Variants in SIRT1 observed in about 807,000 individuals in gnomAD.
SIRT1 encodes sirtuin 1.
In SIRT1, 24 loss-of-function variants were observed where a neutral mutation model predicts 67.9. The ratio of observed to expected loss-of-function variants is 0.35; its 90% CI spans 0.26 to 0.50. The LOEUF is 0.50. Among genes scored for constraint, SIRT1 ranks in the 20% least tolerant of loss-of-function variants. The probability of loss-of-function intolerance (pLI) is 0.98; values close to 1 mark genes in which losing one functional copy is unlikely to be tolerated. For missense variants in SIRT1, 873 were observed against 937.2 expected, an observed-to-expected ratio of 0.93 and a Z score of 0.89; for synonymous variants, 378 against 350.7, an observed-to-expected ratio of 1.08 and a Z score of -0.87.
At chr10:67,888,222 G>T (rs1236710889) in intron 2 of SIRT1, among the ~76,000 whole-genome samples, 1 of 152,144 alleles carries the variant, frequency 6.6e-6, no homozygotes, top group African/African-American at 2.4e-5. Flanking sequence ...CTTGAAAGTG[G>T]ATCTTTTTGT....
intron 1 of SIRT1, chr10:67,885,425 A>G (rs1183242203): frequency 8.2e-7 from 1 of 1,221,138 alleles, no homozygotes; most frequent in Non-Finnish European, 1.0e-6. Context: ...CAGTCGCTTT[A>G]AAATAAGTTT....
intron 8 of SIRT1, among the ~76,000 whole-genome samples, chr10:67,913,937 C>T (rs1267903097): frequency 2.0e-5 from 3 of 146,928 alleles, no homozygotes; most frequent in African/African-American, 4.9e-5. Context: ...TATGGAGACA[C>T]AGTGATTAAT....
In SIRT1 at chr10:67,891,408, G is replaced by C. The variant is rs1564884263; in HGVS notation, c.796G>C (p.Val266Leu). 1 of 1,613,874 alleles carries C rather than the reference G, an allele frequency of 6.2e-7. No individual in the cohort carries two copies. The highest frequency in any genetic ancestry group is 1.7e-5 in the Admixed American group (1 of 59,990). The change falls in exon 4 of 9, where the codon GTT (valine) becomes CTT (leucine). Residue 266 changes from valine (V) to leucine (L), a missense_variant. This residue lies in a region of SIRT1 where 251 missense variants were observed against 358.8 expected (regional missense o/e 0.70). Transcript: ENST00000212015. ...TATGCCATGCACATTTTAGGTGTCT[G>C]TTTCATGTGGAATACCTGACTTCAG... ...IIVLTGAGVS[V>L]SCGIPDFRSR...
At chr10:67,890,441 A>G (rs1451923972) in intron 3 of SIRT1, among the ~76,000 whole-genome samples, 2 of 152,158 alleles carry the variant, frequency 1.3e-5, no homozygotes, top group African/African-American at 4.8e-5. Context: ...CTTTGGAATT[A>G]CTTCTCTGTA....
rs1187857530 is a variant in SIRT1, at chr10:67,908,027, A to G, written c.1091-19A>G. The G allele has an allele frequency of 6.3e-7, 1 of 1,595,012 alleles. No individual in the cohort carries two copies. The highest frequency in any genetic ancestry group is 8.6e-7 in the Non-Finnish European group (1 of 1,163,600). ...GAAATACTTCTTTAATAAAGCATATATATGTTGTTTGTTTTTAGGTTCCTT... is the reference window on the plus strand; with the variant it reads ...GAAATACTTCTTTAATAAAGCATATGTATGTTGTTTGTTTTTAGGTTCCTT... On this transcript the variant is annotated intron_variant, in intron 5 of 8. Transcript: ENST00000212015.
chr10:67,897,422 TG>T (rs1842675594), intron 4 of SIRT1, among the ~76,000 whole-genome samples: 4 of 151,736 alleles, frequency 2.6e-5, no homozygotes. Context: ...TGAGTAGACT[TG>T]ATTATGGGAT....
chr10:67,891,279 TA>T (rs1842569338), intron 3 of SIRT1, 122 bp from the exon 4 acceptor site: 5 of 778,064 alleles, frequency 6.4e-6, no homozygotes, highest in Non-Finnish European at 1.0e-5. Context: ...TTTTATTTCT[TA>T]AAAGAAGTTT....
intron 4 of SIRT1, among the ~76,000 whole-genome samples, chr10:67,895,278 A>G (rs1842636003): frequency 6.6e-6 from 1 of 152,062 alleles, no homozygotes. Context: ...AAAATCAGCC[A>G]GGCTTGGGTG....
At chr10:67,915,664 G>T (rs1033647187) in intron 8 of SIRT1, among the ~76,000 whole-genome samples, 3 of 152,068 alleles carry the variant, frequency 2.0e-5, no homozygotes, top group African/African-American at 7.2e-5. Flanking sequence ...AAATATTTTA[G>T]GTTTATAATC....
chr10:67,907,663 C>T (rs552807544), intron 5 of SIRT1, among the ~76,000 whole-genome samples: 24 of 152,206 alleles, frequency 1.6e-4, no homozygotes, highest in African/African-American at 5.8e-4. Flanking sequence ...CATTAGGTAT[C>T]TAAAGTGTTT....
In SIRT1 at chr10:67,917,176, C is replaced by T. The variant is rs560484573; in HGVS notation, c.*583C>T. 6.6e-6 allele frequency: 1 copy of T among 152,662 alleles called. No homozygotes were observed. The highest frequency in any genetic ancestry group is 1.9e-4 in the East Asian group (1 of 5,186). The allele number at this position is 152,662 out of a possible 1,614,324, so 9.5% of individuals were successfully genotyped here. A position where few individuals can be genotyped will look rare whatever the true frequency, so the allele number is the denominator to read the frequency against. ...ACATGCAGTGTGAGTAGAAGGAAGT[C>T]AACAATATGTGGGGAGAGCACTCGG... On this transcript the variant is annotated 3_prime_UTR_variant, in exon 9 of 9. Transcript: ENST00000212015.
At position 67,917,229 on chromosome 10, in the gene SIRT1, G is replaced by A. The variant is rs904550899; in HGVS notation, c.*636G>A. 2 of 152,556 alleles carry A rather than the reference G, an allele frequency of 1.3e-5. No individual in the cohort carries two copies. The highest frequency in any genetic ancestry group is 2.9e-5 in the Non-Finnish European group (2 of 68,032). The allele number at this position is 152,556 out of a possible 1,614,324, so 9.5% of individuals were successfully genotyped here. On this transcript the variant is annotated 3_prime_UTR_variant, in exon 9 of 9. Coordinates refer to ENST00000212015, the MANE Select transcript of SIRT1 (RefSeq NM_012238.5). ...GTCTTTACTTTTAAAAGTAATACTTGGTGCTAAGAATTTCAGGATTATTGT... is the reference window on the plus strand; with the variant it reads ...GTCTTTACTTTTAAAAGTAATACTTAGTGCTAAGAATTTCAGGATTATTGT...
intron 4 of SIRT1, among the ~76,000 whole-genome samples, chr10:67,898,587 AAAT>A (rs1428735402): frequency 1.3e-5 from 2 of 152,216 alleles, no homozygotes; most frequent in African/African-American, 2.4e-5. Context: ...ATTCATCTGA[AAAT>A]AATGTTTTAA....
At chr10:67,914,890 T>C (rs1358363343) in intron 8 of SIRT1, among the ~76,000 whole-genome samples, 1 of 151,552 alleles carries the variant, frequency 6.6e-6, no homozygotes, top group Non-Finnish European at 1.5e-5. Flanking sequence ...TTTTTTTTTT[T>C]TTTTTTTTTA....
In SIRT1 at chr10:67,884,910, G is replaced by C; in HGVS notation, c.189G>C (p.Ala63=). 2 of 1,224,878 alleles carry C rather than the reference G, an allele frequency of 1.6e-6. No homozygotes were observed. The highest frequency in any genetic ancestry group is 2.0e-6 in the Non-Finnish European group (2 of 983,762). 75.9% of individuals were successfully genotyped at this position (1,224,878 alleles called of 1,614,324 possible). The change falls in exon 1 of 9, where the codon GCG becomes GCC. Residue 63 remains alanine (A), a synonymous_variant. Transcript: ENST00000212015. ...GAAPEREVPA[A]ARGCPGAAAA... ...CCCCAGAGCGTGAGGTGCCGGCGGCGGCCAGGGGCTGCCCGGGTGCGGCGG... is the reference window on the plus strand; with the variant it reads ...CCCCAGAGCGTGAGGTGCCGGCGGCCGCCAGGGGCTGCCCGGGTGCGGCGG...
At position 67,887,499 on chromosome 10, in the gene SIRT1, A is replaced by G; in HGVS notation, c.513A>G (p.Ala171=). The change falls in exon 2 of 9, where the codon GCA becomes GCG. Residue 171 remains alanine (A), a synonymous_variant. Transcript: ENST00000212015. ...ESDEEDRASH[A]SSSDWTPRPR... ...ATGAGGAGGATAGAGCCTCACATGC[A>G]AGCTCTAGTGACTGGACTCCAAGGC... 6.2e-7 allele frequency: 1 copy of G among 1,613,572 alleles called. No homozygotes were observed. The highest frequency in any genetic ancestry group is 8.5e-7 in the Non-Finnish European group (1 of 1,179,562).
In SIRT1 at chr10:67,909,355, A is replaced by G; in HGVS notation, c.1270A>G (p.Arg424Gly). 6.2e-7 allele frequency: 1 copy of G among 1,613,894 alleles called. No individual in the cohort carries two copies. Among genetic ancestry groups the G allele is most frequent in the Non-Finnish European group, 8.5e-7 (1 of 1,179,958 alleles). Residue 424 changes from arginine to glycine, a missense_variant, in exon 7 of 9, where the codon AGA (arginine) becomes GGA (glycine). Arg to Gly is a moderately radical substitution (Grantham distance 125). Transcript: ENST00000212015. ...FGENLPEQFH[R>G]AMKYDKDEVD... ...TGAAAATTTACCAGAACAGTTTCATAGAGCCATGAAGTATGACAAAGATGA... is the reference window on the plus strand; with the variant it reads ...TGAAAATTTACCAGAACAGTTTCATGGAGCCATGAAGTATGACAAAGATGA...
intron 3 of SIRT1, among the ~76,000 whole-genome samples, chr10:67,891,016 T>C (rs1196719706): frequency 2.2e-5 from 3 of 137,286 alleles, no homozygotes; most frequent in Non-Finnish European, 4.6e-5. Flanking sequence ...GGCGACAGTG[T>C]GAGACTCTGT....
At chr10:67,891,115 G>A (rs558601248) in intron 3 of SIRT1, among the ~76,000 whole-genome samples, 2 of 151,168 alleles carry the variant, frequency 1.3e-5, no homozygotes, top group African/African-American at 4.9e-5. Context: ...TTCTCAAGTT[G>A]CATTTGCTTT....
Sources: gnomAD v4.1 joint callset for allele counts (sites outside exome capture counted in the v4.1 genomes callset) on GRCh38, gnomAD v4.1.1 for gene constraint, gnomAD v4.1.1 regional missense constraint, MANE v1.5 for transcripts, NCBI Gene and HGNC (gene_info 2026-07-23, HGNC 2026-07-21) for gene names.